PDGFC: variants seen among roughly 807,000 people sequenced by gnomAD.
PDGFC encodes platelet derived growth factor C, also known as platelet-derived growth factor C.
A neutral mutation model predicts 35.5 loss-of-function variants in PDGFC; 12 were observed. That is an observed-to-expected ratio of 0.34 (90% confidence interval 0.22 to 0.55). The LOEUF (loss-of-function observed/expected upper bound fraction) is 0.55, where lower values mean the gene tolerates loss of function less well. Ranked by LOEUF, PDGFC falls within the 20% of genes least tolerant of loss-of-function variation. The probability of loss-of-function intolerance (pLI) is 0.91; values close to 1 mark genes in which losing one functional copy is unlikely to be tolerated. For synonymous variants in PDGFC, 159 were observed against 148.8 expected (o/e 1.07, Z -0.50); for missense variants, 322 against 412.4 (o/e 0.78, Z 1.90).
At chr4:156,781,445 T>C (rs1730978017) in intron 3 of PDGFC, among the ~76,000 whole-genome samples, 1 of 152,184 alleles carries the variant, frequency 6.6e-6, no homozygotes, top group African/African-American at 2.4e-5. Context: ...TCTAGAAAAA[T>C]ATCCTGCTTT....
At chr4:156,960,311 T>G (rs1215068918) in intron 1 of PDGFC, among the ~76,000 whole-genome samples, 1 of 148,776 alleles carries the variant, frequency 6.7e-6, no homozygotes, top group Non-Finnish European at 1.5e-5. Context: ...AACTATGCAT[T>G]TTGTTACTGA....
chr4:156,777,977 G>A (rs958814897), intron 3 of PDGFC, among the ~76,000 whole-genome samples: 4 of 151,950 alleles, frequency 2.6e-5, no homozygotes, highest in Non-Finnish European at 4.4e-5. Context: ...TGTTGGCCAC[G>A]CTTATAATCC....
intron 1 of PDGFC, among the ~76,000 whole-genome samples, chr4:156,921,888 A>T (rs1179680797): frequency 6.6e-6 from 1 of 151,996 alleles, no homozygotes; most frequent in Non-Finnish European, 1.5e-5. Flanking sequence ...TCTCATTCAC[A>T]CTGACAACAC....
At chr4:156,918,571 A>T (rs1053202821) in intron 1 of PDGFC, among the ~76,000 whole-genome samples, 6 of 152,176 alleles carry the variant, frequency 3.9e-5, no homozygotes, top group Admixed American at 2.6e-4. Flanking sequence ...CTCCCGTCAG[A>T]TCAGTGGCAG....
chr4:156,956,880 C>A (rs759264415), intron 1 of PDGFC, among the ~76,000 whole-genome samples: 17 of 151,882 alleles, frequency 1.1e-4, no homozygotes, highest in Non-Finnish European at 1.9e-4. Context: ...ATAGTAAGTC[C>A]TCTAAATATA....
At chr4:156,872,490 G>A (rs546917330) in intron 1 of PDGFC, among the ~76,000 whole-genome samples, 6 of 152,198 alleles carry the variant, frequency 3.9e-5, no homozygotes, top group African/African-American at 9.6e-5. Flanking sequence ...CAAGGGCCCC[G>A]GACCCTTAGT....
At chr4:156,924,854 G>A (rs1341680709) in intron 1 of PDGFC, among the ~76,000 whole-genome samples, 5 of 152,124 alleles carry the variant, frequency 3.3e-5, no homozygotes, top group Admixed American at 3.3e-4. Flanking sequence ...TTAAGTCTGG[G>A]CAATCTTTTT....
In PDGFC at chr4:156,928,128, A is replaced by G. The variant is rs1168667079; in HGVS notation, c.118+42658T>C. 2.6e-5 allele frequency among the ~76,000 whole-genome samples: 4 copies of G among 152,158 alleles called. No individual in the cohort carries two copies. The East Asian group carries it at 5.8e-4, about 22-fold the overall frequency. On this transcript the variant is annotated intron_variant, in intron 1 of 5. Coordinates refer to ENST00000502773, the MANE Select transcript of PDGFC (RefSeq NM_016205.3). ...GGGGGAAACCGCCCCCATGATTTAAATTATTTCCCACCAGGTCCCTCCCAC... is the reference window on the plus strand; with the variant it reads ...GGGGGAAACCGCCCCCATGATTTAAGTTATTTCCCACCAGGTCCCTCCCAC...
chr4:156,810,858 G>T lies in PDGFC; in HGVS notation c.474C>A (p.Ile158=). The T allele has an allele frequency of 6.2e-7, 1 of 1,603,146 alleles. No individual in the cohort carries two copies. The highest frequency in any genetic ancestry group is 8.5e-7 in the Non-Finnish European group (1 of 1,171,654). ...TTACTGGCATGACAATGTTGTAGTG[G>T]ATGCAGAACCCTGGTTCAGAAGGAA... is the stretch of plus-strand genomic sequence containing the variant. ...EYFPSEPGFC[I]HYNIVMPQFT... is the part of the protein sequence containing the mutation. The change falls in exon 3 of 6, where the codon ATC becomes ATA. Residue 158 remains isoleucine (I), a synonymous_variant. Transcript: ENST00000502773.
chr4:156,855,968 C>G (rs1220923923), intron 1 of PDGFC, among the ~76,000 whole-genome samples: 1 of 152,078 alleles, frequency 6.6e-6, no homozygotes, highest in African/African-American at 2.4e-5. Context: ...GTCCACAGAG[C>G]AAACAAATCT....
intron 1 of PDGFC, among the ~76,000 whole-genome samples, chr4:156,955,113 C>A (rs907184572): frequency 6.6e-6 from 1 of 151,868 alleles, no homozygotes; most frequent in Non-Finnish European, 1.5e-5. Context: ...CTTTATGGGG[C>A]GGAGAGGGGA....
At chr4:156,763,293 A>C (rs1046325259) in intron 5 of PDGFC, 87 bp from the exon 6 acceptor site, 1 of 672,078 alleles carries the variant, frequency 1.5e-6, no homozygotes, top group Admixed American at 1.9e-5. Context: ...TTAGAAAAGA[A>C]TCTTGGGGCC....
At position 156,970,651 on chromosome 4, in the gene PDGFC, C is replaced by T. The variant is rs549197640; in HGVS notation, c.118+135G>A. The T allele has an allele frequency of 1.9e-4, 130 of 686,812 alleles. 2 individuals carry two copies. The Middle Eastern group carries it at 0.013, about 69-fold the overall frequency. 42.5% of individuals were successfully genotyped at this position (686,812 alleles called of 1,614,324 possible). A position where few individuals can be genotyped will look rare whatever the true frequency, so the allele number is the denominator to read the frequency against. Reference sequence around the variant, plus strand: ...ACCTTTAACAGTCCATGCCAATGAACGCAGCGCACATTTGCATGTAATGAG... The same window carrying T: ...ACCTTTAACAGTCCATGCCAATGAATGCAGCGCACATTTGCATGTAATGAG... On this transcript the variant is annotated intron_variant, in intron 1 of 5. Transcript: ENST00000502773.
chr4:156,810,706 T>C (rs754732923), intron 3 of PDGFC, 131 bp downstream of exon 3: 1 of 629,826 alleles, frequency 1.6e-6, no homozygotes, highest in Non-Finnish European at 2.8e-6. Flanking sequence ...AGTTTTTATT[T>C]ACATAAAAAT....
intron 2 of PDGFC, among the ~76,000 whole-genome samples, chr4:156,840,018 A>G (rs941446162): frequency 6.6e-6 from 1 of 152,156 alleles, no homozygotes; most frequent in Non-Finnish European, 1.5e-5. Flanking sequence ...AGAGCATAAG[A>G]GTTTGGAAAA....
chr4:156,823,735 A>T (rs1732337115), intron 2 of PDGFC, among the ~76,000 whole-genome samples: 1 of 152,182 alleles, frequency 6.6e-6, no homozygotes, highest in Admixed American at 6.5e-5. Flanking sequence ...ACCACTACTC[A>T]GTATATATCC....
intron 1 of PDGFC, among the ~76,000 whole-genome samples, chr4:156,905,355 C>G (rs1468255798): frequency 1.3e-5 from 2 of 151,958 alleles, no homozygotes; most frequent in East Asian, 3.9e-4. Flanking sequence ...CAAAAAAAGC[C>G]TCATAGTGAC....
intron 1 of PDGFC, among the ~76,000 whole-genome samples, chr4:156,919,108 T>C (rs1448326690): frequency 6.6e-6 from 1 of 152,196 alleles, no homozygotes; most frequent in African/African-American, 2.4e-5. Context: ...ATATAAGCAA[T>C]ACAAGTTGGT....
rs12502539 is a variant in PDGFC, at chr4:156,897,040, C to T, written c.119-46624G>A. On this transcript the variant is annotated intron_variant, in intron 1 of 5. Coordinates refer to ENST00000502773, the MANE Select transcript of PDGFC (RefSeq NM_016205.3). Reference sequence around the variant, plus strand: ...AATTTAATACGCACATTAAAGGAGCCCAGTCGATACCTCTTTGCAGTAATA... The same window carrying T: ...AATTTAATACGCACATTAAAGGAGCTCAGTCGATACCTCTTTGCAGTAATA... Among the ~76,000 whole-genome samples the T allele has an allele frequency of 3.1e-3, 473 of 152,136 alleles. 11 individuals carry two copies. The highest frequency in any genetic ancestry group is 0.027 in the Admixed American group (419 of 15,270).
Sources: allele counts gnomAD v4.1 joint callset (sites outside exome capture counted in the v4.1 genomes callset), GRCh38; gene constraint gnomAD v4.1.1; transcripts MANE v1.5; gene names NCBI Gene and HGNC (gene_info 2026-07-23, HGNC 2026-07-21).